The following KCNT1 variants were observed in gnomAD, a reference collection of about 807,000 sequenced individuals.
KCNT1 encodes potassium sodium-activated channel subfamily T member 1, also known as potassium channel subfamily T member 1.
KCNT1 carries 78 observed loss-of-function variants against 147.8 expected under a neutral mutation model. That is an observed-to-expected ratio of 0.53 (90% CI 0.44 to 0.64). The LOEUF (loss-of-function observed/expected upper bound fraction) is 0.64, where lower values mean the gene tolerates loss of function less well. Ranked by LOEUF, KCNT1 falls within the 30% of genes least tolerant of loss-of-function variation. The pLI, the probability that KCNT1 is intolerant of heterozygous loss-of-function variation, is 0.00. For synonymous variants in KCNT1, 867 were observed against 748.8 expected, an observed-to-expected ratio of 1.16 and a Z score of -2.58; for missense variants, 1,419 against 1,750.3, an observed-to-expected ratio of 0.81 and a Z score of 3.38.
In KCNT1 at chr9:135,770,289, G is replaced by T; in HGVS notation, c.1620-9G>T. ...GGTGACGCTCCCCTGGCCCCGCCCT[G>T]GCCCACAGGGAGGGACAGGAGTCTC... is the stretch of plus-strand genomic sequence containing the variant. On this transcript the variant is annotated splice_polypyrimidine_tract_variant and intron_variant, in intron 16 of 30. Coordinates refer to ENST00000371757, the MANE Select transcript of KCNT1 (RefSeq NM_020822.3). The T allele has an allele frequency of 6.3e-7, 1 of 1,586,244 alleles. No individual in the cohort carries two copies. The highest frequency in any genetic ancestry group is 8.6e-7 in the Non-Finnish European group (1 of 1,164,358).
chr9:135,775,212 G>C (rs1833076181), intron 19 of KCNT1, 98 bp from the exon 20 acceptor site: 7 of 792,472 alleles, frequency 8.8e-6, no homozygotes, highest in South Asian at 7.5e-5. Context: ...GCTGTGGGTG[G>C]AGTGGGTGCC....
At chr9:135,743,687 T>A (rs1830672878) in intron 2 of KCNT1, among the ~76,000 whole-genome samples, 2 of 152,160 alleles carry the variant, frequency 1.3e-5, no homozygotes, top group South Asian at 4.1e-4. Context: ...AGGAAATGGA[T>A]GCGTCTGCAG....
At chr9:135,733,183 GCCCCCGCACCTGC>G (rs1830179802) in intron 2 of KCNT1, among the ~76,000 whole-genome samples, 1 of 142,062 alleles carries the variant, frequency 7.0e-6, no homozygotes, top group South Asian at 2.2e-4. Context: ...CCTCATACCT[GCCCCCGCACCTGC>G]CCCCACACCT....
chr9:135,712,768 G>A (rs376437970), intron 1 of KCNT1, among the ~76,000 whole-genome samples: 2 of 152,210 alleles, frequency 1.3e-5, no homozygotes, highest in African/African-American at 2.4e-5. Context: ...ACACAACAGC[G>A]AAGTATTTTC....
chr9:135,764,096 A>G (rs1287251574), intron 11 of KCNT1, among the ~76,000 whole-genome samples: 3 of 152,058 alleles, frequency 2.0e-5, no homozygotes, highest in Non-Finnish European at 4.4e-5. Flanking sequence ...TCCCATTTAG[A>G]CCAGACGATA....
Position 135,760,313 on chromosome 9 carries a change from A to G in KCNT1, c.1035+454A>G, listed in dbSNP as rs368665661. Among the ~76,000 whole-genome samples the G allele has an allele frequency of 6.5e-3, 994 of 152,210 alleles. 7 individuals carry two copies. The highest frequency in any genetic ancestry group is 0.023 in the African/African-American group (939 of 41,542). ...CACTGCCCACTGAGCAGAGGAGGGGACGGGGCAAGACCTCAGTGGGAAAGG... is the reference window on the plus strand; with the variant it reads ...CACTGCCCACTGAGCAGAGGAGGGGGCGGGGCAAGACCTCAGTGGGAAAGG... On this transcript the variant is annotated intron_variant, in intron 11 of 30. Transcript: ENST00000371757.
At chr9:135,772,240 G>C (rs963642245) in intron 18 of KCNT1, among the ~76,000 whole-genome samples, 1 of 152,180 alleles carries the variant, frequency 6.6e-6, no homozygotes, top group Admixed American at 6.5e-5. Flanking sequence ...TACCCACAGA[G>C]GCCCTGGGCC....
chr9:135,777,562 C>T (rs1327694249), intron 21 of KCNT1, 52 bp downstream of exon 21: 4 of 1,536,536 alleles, frequency 2.6e-6, no homozygotes, highest in African/African-American at 2.7e-5. Flanking sequence ...CTCAGACCTG[C>T]AGCCAGCAGC....
chr9:135,760,577 G>A (rs1471646013), intron 11 of KCNT1, among the ~76,000 whole-genome samples: 1 of 152,134 alleles, frequency 6.6e-6, no homozygotes, highest in African/African-American at 2.4e-5. Flanking sequence ...GCAGGATGCC[G>A]GGGAGACAGG....
rs61272561 is a variant in KCNT1, at chr9:135,749,815, C to T, written c.255-283C>T. ...GTGGAGTGAGTGCCGCACCCTGAGC[C>T]CCAACAGGGCGGCCTGGAGGGCCCA... On this transcript the variant is annotated intron_variant, in intron 2 of 30. Coordinates refer to ENST00000371757, the MANE Select transcript of KCNT1 (RefSeq NM_020822.3). Among the ~76,000 whole-genome samples the T allele has an allele frequency of 0.012, 1,875 of 152,296 alleles. 42 individuals carry two copies. Among genetic ancestry groups the T allele is most frequent in the African/African-American group, 0.043 (1,774 of 41,552 alleles).
At chr9:135,784,496 T>TCCCCCCCC in intron 25 of KCNT1, 39 bp from the exon 26 acceptor site, 1 of 155,890 alleles carries the variant, frequency 6.4e-6, no homozygotes, top group Non-Finnish European at 1.2e-5. Flanking sequence ...CCTCCCTCCC[T>TCCCCCCCC]CCCTCCCTCC....
chr9:135,759,883 TG>T lies in KCNT1; in HGVS notation c.1035+27del, dbSNP rs1263880021. On this transcript the variant is annotated intron_variant, in intron 11 of 30. Coordinates refer to ENST00000371757, the MANE Select transcript of KCNT1 (RefSeq NM_020822.3). The stretch of plus-strand genomic sequence containing the variant: ...AGGTGGGTCCTCTGGGCACCAGCCC[TG>T]GGTGGCACCAGCAAAGGGACAGGCG... 3.8e-6 allele frequency: 6 copies of T among 1,573,116 alleles called. No homozygotes were observed. In the African/African-American group the frequency reaches 6.8e-5, roughly 18 times the overall value.
chr9:135,714,757 G>C lies in KCNT1; in HGVS notation c.254+37G>C, dbSNP rs1835652994. 3 of 1,214,944 alleles carry C rather than the reference G, an allele frequency of 2.5e-6. No homozygotes were observed. Among genetic ancestry groups the C allele is most frequent in the Non-Finnish European group, 3.1e-6 (3 of 963,950 alleles). 75.3% of individuals were successfully genotyped at this position (1,214,944 alleles called of 1,614,324 possible). ...GCGCGGGGTGGGGGCTGGGGTCGCC[G>C]TCCCGGCGCCGCCGCACGCCCGGAG... On this transcript the variant is annotated intron_variant, in intron 2 of 30. Transcript: ENST00000371757. The surrounding 1 kb of genome is among the most constrained non-coding windows in gnomAD (Gnocchi z 6.2).
chr9:135,771,180 G>A, intron 18 of KCNT1, 85 bp downstream of exon 18: 1 of 1,273,078 alleles, frequency 7.9e-7, no homozygotes. Flanking sequence ...GACCAGGTGG[G>A]ATGGGAGACC....
chr9:135,759,015 G>C lies in KCNT1; in HGVS notation c.854+507G>C, dbSNP rs545487505. On this transcript the variant is annotated intron_variant, in intron 10 of 30. Transcript: ENST00000371757. ...TCACCACTTCCCGTCCCCAGGCAGG[G>C]ATGTCAGGCAAGCACTGTGCCCTGG... Among the ~76,000 whole-genome samples, 42 of 152,376 alleles carry C rather than the reference G, an allele frequency of 2.8e-4. 1 individual carries two copies. The South Asian group carries it at 8.5e-3, about 31-fold the overall frequency.
intron 9 of KCNT1, 135 bp from the exon 10 acceptor site, chr9:135,758,279 G>A (rs1341677677): frequency 1.6e-5 from 11 of 682,846 alleles, no homozygotes; most frequent in Non-Finnish European, 2.6e-5. Flanking sequence ...CCAGGTACAG[G>A]CTGCCCCGTG....
intron 10 of KCNT1, among the ~76,000 whole-genome samples, chr9:135,758,716 T>G (rs1180664921): frequency 1.3e-5 from 2 of 152,226 alleles, no homozygotes; most frequent in Non-Finnish European, 2.9e-5. Flanking sequence ...CGAGCAGCCC[T>G]GCAGCCCGAC....
intron 2 of KCNT1, among the ~76,000 whole-genome samples, chr9:135,718,906 G>A (rs117892914): frequency 0.024 from 3,641 of 152,346 alleles, 68 homozygotes; most frequent in Middle Eastern, 0.058. Flanking sequence ...TGGGCAGGCC[G>A]CTCCCAGCGG....
chr9:135,704,112 C>A (rs749515964), intron 1 of KCNT1, among the ~76,000 whole-genome samples: 27 of 152,234 alleles, frequency 1.8e-4, no homozygotes, highest in Non-Finnish European at 3.5e-4. Context: ...CTTCGTGCTG[C>A]CTGGTGGTGG....
Sources: gnomAD v4.1 joint callset for allele counts (sites outside exome capture counted in the v4.1 genomes callset) on GRCh38, gnomAD v4.1.1 for gene constraint, Gnocchi (gnomAD v3.1) non-coding constraint, MANE v1.5 for transcripts, NCBI Gene and HGNC (gene_info 2026-07-23, HGNC 2026-07-21) for gene names.